PPP2R2B: variants seen among roughly 807,000 people sequenced by gnomAD.
PPP2R2B encodes protein phosphatase 2 regulatory subunit Bbeta, also known as serine/threonine-protein phosphatase 2A 55 kDa regulatory subunit B beta isoform.
PPP2R2B carries 5 observed loss-of-function variants against 46.0 expected under a neutral mutation model. That is an observed-to-expected ratio of 0.11 (90% confidence interval 0.06 to 0.23). The LOEUF (loss-of-function observed/expected upper bound fraction) is 0.23. PPP2R2B is among the 10% of genes least tolerant of loss of function. PPP2R2B has a pLI of 1.00. For synonymous variants in PPP2R2B, 215 were observed against 206.7 expected (o/e 1.04, Z -0.34); for missense variants, 367 against 575.0 (o/e 0.64, Z 3.70).
chr5:147,072,015 G>A (rs1757614717), intron 2 of PPP2R2B, among the ~76,000 whole-genome samples: 1 of 152,200 alleles, frequency 6.6e-6, no homozygotes, highest in Non-Finnish European at 1.5e-5. Flanking sequence ...AGTCAACCAT[G>A]TCTTAAACTC....
At position 146,859,606 on chromosome 5, in the gene PPP2R2B, A is replaced by T. The variant is rs187085920; in HGVS notation, c.70+18396T>A. 2.7e-3 allele frequency among the ~76,000 whole-genome samples: 406 copies of T among 152,314 alleles called. 2 individuals are homozygous for T. The highest frequency in any genetic ancestry group is 9.3e-3 in the African/African-American group (387 of 41,556). ...CTACACATGTACTTCTAAACCTAAA[A>T]TAAAAGTTTTAAAAAAAGAGGGAGT... On this transcript the variant is annotated intron_variant, in intron 2 of 9. Transcript: ENST00000394411.
At chr5:146,671,798 A>G (rs1172730031) in intron 5 of PPP2R2B, among the ~76,000 whole-genome samples, 1 of 152,156 alleles carries the variant, frequency 6.6e-6, no homozygotes, top group East Asian at 1.9e-4. Flanking sequence ...TGCTATTGCT[A>G]TTTAAATCCC....
intron 1 of PPP2R2B, among the ~76,000 whole-genome samples, chr5:147,020,991 C>T (rs1053428237): frequency 1.3e-5 from 2 of 152,148 alleles, no homozygotes; most frequent in African/African-American, 4.8e-5. Context: ...TTGTGAGCTT[C>T]TTTGACACAC....
At chr5:147,072,919 C>T (rs912060147) in intron 2 of PPP2R2B, among the ~76,000 whole-genome samples, 3 of 152,152 alleles carry the variant, frequency 2.0e-5, no homozygotes, top group Admixed American at 2.0e-4. Context: ...CCAATCTAGC[C>T]AGTCTTACTC....
intron 1 of PPP2R2B, among the ~76,000 whole-genome samples, chr5:146,904,529 G>A (rs530172087): frequency 9.8e-5 from 15 of 152,286 alleles, no homozygotes; most frequent in African/African-American, 2.2e-4. Flanking sequence ...CGTGTTCCCC[G>A]AGTCCTAAAG....
intron 1 of PPP2R2B, among the ~76,000 whole-genome samples, chr5:147,015,658 C>T (rs1012997688): frequency 6.6e-6 from 1 of 151,472 alleles, no homozygotes; most frequent in African/African-American, 2.4e-5. Flanking sequence ...AATTTGCATG[C>T]CTTCACAGTG....
chr5:146,960,616 T>C (rs1486551086), intron 1 of PPP2R2B, among the ~76,000 whole-genome samples: 2 of 152,064 alleles, frequency 1.3e-5, no homozygotes, highest in African/African-American at 4.8e-5. Flanking sequence ...AGCACAGTAA[T>C]TAGAATGGAA....
At chr5:146,824,288 T>C (rs189156987) in intron 2 of PPP2R2B, among the ~76,000 whole-genome samples, 240 of 152,108 alleles carry the variant, frequency 1.6e-3, no homozygotes, top group African/African-American at 5.6e-3. Context: ...ATTCATGACA[T>C]GGAAAGAATC....
chr5:146,958,133 AACGAGCAGAC>A (rs2151839966), intron 1 of PPP2R2B, among the ~76,000 whole-genome samples: 2 of 152,224 alleles, frequency 1.3e-5, no homozygotes, highest in South Asian at 4.2e-4. Flanking sequence ...CAGATACAGC[AACGAGCAGAC>A]ATTAATCGCA....
At position 146,980,609 on chromosome 5, in the gene PPP2R2B, T is replaced by C. The variant is rs577014375; in HGVS notation, c.79+75056A>G. On this transcript the variant is annotated intron_variant, in intron 1 of 8. Transcript: ENST00000336640. ...GTTGAATCCCTGTTCCCTGTGGAAC[T>C]AGATGGGCTGGGAAAGACTTGAACA... is the stretch of plus-strand genomic sequence containing the variant. Among the ~76,000 whole-genome samples, 6 of 152,330 alleles carry C rather than the reference T, an allele frequency of 3.9e-5. No homozygotes were observed. The South Asian group carries it at 1.2e-3, about 32-fold the overall frequency.
At chr5:147,005,618 C>T (rs917537278) in intron 1 of PPP2R2B, among the ~76,000 whole-genome samples, 2 of 152,024 alleles carry the variant, frequency 1.3e-5, no homozygotes, top group East Asian at 3.9e-4. Flanking sequence ...AGAACAGCAG[C>T]ATAAGCAGCT....
At chr5:146,978,085 G>T (rs956043659) in intron 1 of PPP2R2B, among the ~76,000 whole-genome samples, 1 of 152,160 alleles carries the variant, frequency 6.6e-6, no homozygotes, top group Non-Finnish European at 1.5e-5. Context: ...GCATGAGATG[G>T]TACCTCATTC....
At chr5:146,842,242 A>C (rs1051154872) in intron 2 of PPP2R2B, among the ~76,000 whole-genome samples, 13 of 152,240 alleles carry the variant, frequency 8.5e-5, no homozygotes, top group Admixed American at 8.5e-4. Context: ...CATAGTCCAA[A>C]ATTATATGGC....
chr5:147,013,866 A>G (rs1432253447), intron 1 of PPP2R2B, among the ~76,000 whole-genome samples: 1 of 147,088 alleles, frequency 6.8e-6, no homozygotes, highest in East Asian at 2.0e-4. Context: ...AATGGCAACG[A>G]AAGCCAAAAT....
chr5:146,875,818 G>A (rs1420483213), intron 2 of PPP2R2B, among the ~76,000 whole-genome samples: 1 of 152,160 alleles, frequency 6.6e-6, no homozygotes, highest in Non-Finnish European at 1.5e-5. Flanking sequence ...TTTTTAAAAA[G>A]TCTTTTGATC....
intron 5 of PPP2R2B, among the ~76,000 whole-genome samples, chr5:146,660,974 ATAT>A (rs778663411): frequency 4.6e-5 from 7 of 152,202 alleles, no homozygotes; most frequent in Non-Finnish European, 8.8e-5. Flanking sequence ...AAAGAGATGT[ATAT>A]TGTTTCATGA....
At chr5:146,967,399 TA>T (rs1752470509) in intron 1 of PPP2R2B, among the ~76,000 whole-genome samples, 1 of 152,348 alleles carries the variant, frequency 6.6e-6, no homozygotes, top group East Asian at 1.9e-4. Flanking sequence ...TGATCTCATT[TA>T]ATCCTTATAA....
chr5:146,912,994 ATGT>A (rs138627190), intron 1 of PPP2R2B, among the ~76,000 whole-genome samples: 1,580 of 152,292 alleles, frequency 0.01, 24 homozygotes, highest in African/African-American at 0.036. Context: ...CTTGCAGAAA[ATGT>A]TGTTAAAAAC....
At chr5:147,026,702 G>T (rs1755542863) in intron 1 of PPP2R2B, among the ~76,000 whole-genome samples, 1 of 152,030 alleles carries the variant, frequency 6.6e-6, no homozygotes, top group Non-Finnish European at 1.5e-5. Context: ...ATGAATAAAT[G>T]TTCAATATCT....
Sources: gnomAD v4.1 joint callset for allele counts (sites outside exome capture counted in the v4.1 genomes callset) on GRCh38, gnomAD v4.1.1 for gene constraint, MANE v1.5 for transcripts, NCBI Gene and HGNC (gene_info 2026-07-23, HGNC 2026-07-21) for gene names.